The following LAMA1 variants were observed in gnomAD, a reference collection of about 807,000 sequenced individuals.
The protein encoded by LAMA1 is laminin subunit alpha-1.
In LAMA1, 219 loss-of-function variants were observed where a neutral mutation model predicts 348.7. The ratio of observed to expected loss-of-function variants is 0.63; its 90% CI spans 0.56 to 0.70. LAMA1 has a LOEUF of 0.70. LAMA1 is among the 30% of genes least tolerant of loss of function. The pLI, the probability that LAMA1 is intolerant of heterozygous loss-of-function variation, is 0.00. For missense variants in LAMA1, 3,744 were observed against 3,888.0 expected (o/e 0.96, Z 0.99); for synonymous variants, 1,487 against 1,491.0 (o/e 1.00, Z 0.06).
intron 3 of LAMA1, among the ~76,000 whole-genome samples, chr18:7,075,886 G>A (rs566033618): frequency 4.6e-5 from 7 of 151,782 alleles, no homozygotes; most frequent in East Asian, 3.9e-4. Flanking sequence ...GCAGTGAGCC[G>A]AGATCACGCC....
chr18:6,961,348 C>T (rs191730621), intron 53 of LAMA1, among the ~76,000 whole-genome samples: 2 of 152,148 alleles, frequency 1.3e-5, no homozygotes, highest in Non-Finnish European at 2.9e-5. Context: ...TAGAGGTAGA[C>T]AGCAAATAAC....
At chr18:6,989,142 A>C (rs2057748324) in intron 36 of LAMA1, among the ~76,000 whole-genome samples, 1 of 152,200 alleles carries the variant, frequency 6.6e-6, no homozygotes, top group Non-Finnish European at 1.5e-5. Context: ...TGGATACTGC[A>C]TCTCTGACAG....
chr18:6,943,063 A>T, intron 62 of LAMA1, 117 bp downstream of exon 62: 1 of 855,878 alleles, frequency 1.2e-6, no homozygotes, highest in Non-Finnish European at 1.9e-6. Context: ...AAAATGGTAA[A>T]GGATTTGTCA....
intron 56 of LAMA1, 24 bp downstream of exon 56, chr18:6,956,612 G>A (rs375345772): frequency 3.7e-6 from 6 of 1,613,692 alleles, no homozygotes; most frequent in Non-Finnish European, 5.1e-6. Flanking sequence ...GGACCTGACT[G>A]ATAGTAAAGG....
At position 7,098,356 on chromosome 18, in the gene LAMA1, A is replaced by G. The variant is rs886101501; in HGVS notation, c.62-17899T>C. Among the ~76,000 whole-genome samples, 50 of 146,660 alleles carry G rather than the reference A, an allele frequency of 3.4e-4. 1 individual carries two copies. The East Asian group carries it at 3.8e-3, about 11-fold the overall frequency. ...CCCTCTGCCTGGCTGCCCAGTCTGG[A>G]AAGTGAGGAGCGTCTCCGCCCGGCC... is the stretch of plus-strand genomic sequence containing the variant. On this transcript the variant is annotated intron_variant, in intron 1 of 62. Transcript: ENST00000389658.
chr18:6,943,020 C>T (rs2057506274), intron 62 of LAMA1, among the ~76,000 whole-genome samples, 160 bp downstream of exon 62: 1 of 151,788 alleles, frequency 6.6e-6, no homozygotes, highest in Admixed American at 6.6e-5. Flanking sequence ...TTAAGTTATC[C>T]AAGAATTCTT....
chr18:7,071,536 C>T (rs943128941), intron 3 of LAMA1, among the ~76,000 whole-genome samples: 7 of 152,090 alleles, frequency 4.6e-5, no homozygotes, highest in Admixed American at 1.3e-4. Context: ...CAAGTTATTA[C>T]CCATAACAGA....
chr18:7,030,322 A>C (rs1174629015), intron 16 of LAMA1, among the ~76,000 whole-genome samples: 1 of 152,224 alleles, frequency 6.6e-6, no homozygotes, highest in Non-Finnish European at 1.5e-5. Flanking sequence ...CAGAATGCTC[A>C]GTGCTCTTCA....
chr18:6,997,984 T>C (rs1298288895), intron 32 of LAMA1, 100 bp from the exon 33 acceptor site: 12 of 1,054,644 alleles, frequency 1.1e-5, no homozygotes, highest in Middle Eastern at 2.0e-4. Flanking sequence ...AAATGACACA[T>C]GCGGTCAGAG....
In LAMA1 at chr18:7,012,072, G is replaced by A. The variant is rs754574679; in HGVS notation, c.3430C>T (p.Pro1144Ser). ...EGTFALRADN[P>S]LGCSPCFCSG... is the part of the protein sequence containing the mutation. ...CAGAAGCACGGGCTGCAGCCCAGGG[G>A]GTTGTCTGCGCGGAGAGCGAAGGTG... The change falls in exon 24 of 63, where the codon CCC (proline) becomes TCC (serine). Residue 1144 changes from proline (P) to serine (S), a missense_variant. Around this residue, in one of 3 missense-constraint regions of LAMA1, gnomAD observed 1,529 missense variants for 1,689.4 expected, o/e 0.91. Coordinates refer to ENST00000389658, the MANE Select transcript of LAMA1 (RefSeq NM_005559.4). 5 of 1,613,202 alleles carry A rather than the reference G, an allele frequency of 3.1e-6. No individual in the cohort carries two copies. In the Admixed American group the frequency reaches 8.3e-5, roughly 27 times the overall value.
At position 6,993,745 on chromosome 18, in the gene LAMA1, C is replaced by T. The variant is rs2057768687; in HGVS notation, c.4904G>A (p.Arg1635Lys). The T allele has an allele frequency of 1.3e-6, 2 of 1,596,356 alleles. No homozygotes were observed. Among genetic ancestry groups the T allele is most frequent in the South Asian group, 1.1e-5 (1 of 90,782 alleles). ...CACCTTTTGGGTACTCGCTAACATC[C>T]TAGTGAGCTGGTGGAAAAATAAAGT... ...ETDNLQKKLTRMLASTQKVNR... is the reference protein window; with the variant it reads ...ETDNLQKKLTKMLASTQKVNR... Residue 1635 changes from arginine to lysine, a missense_variant, in exon 35 of 63, where the codon AGG (arginine) becomes AAG (lysine). Around this residue, in one of 3 missense-constraint regions of LAMA1, gnomAD observed 1,983 missense variants for 1,934.3 expected, o/e 1.03. Coordinates refer to ENST00000389658, the MANE Select transcript of LAMA1 (RefSeq NM_005559.4).
At chr18:7,000,704 C>T (rs1215026888) in intron 30 of LAMA1, among the ~76,000 whole-genome samples, 2 of 152,174 alleles carry the variant, frequency 1.3e-5, no homozygotes, top group Non-Finnish European at 2.9e-5. Flanking sequence ...GAGCTGGGTG[C>T]ATGCAAACTA....
intron 20 of LAMA1, among the ~76,000 whole-genome samples, 167 bp downstream of exon 20, chr18:7,017,111 G>GTGTGT (rs1383646905): frequency 1.3e-5 from 2 of 152,190 alleles, no homozygotes; most frequent in African/African-American, 4.8e-5. Context: ...ATGCGAAACT[G>GTGTGT]TGAGTCAATC....
intron 26 of LAMA1, among the ~76,000 whole-genome samples, chr18:7,009,965 C>A (rs548088829): frequency 6.6e-6 from 1 of 152,036 alleles, no homozygotes; most frequent in South Asian, 2.1e-4. Context: ...TGCCACCATG[C>A]CTGGCTAATT....
intron 1 of LAMA1, among the ~76,000 whole-genome samples, chr18:7,104,353 C>A (rs1282140621): frequency 6.6e-6 from 1 of 152,220 alleles, no homozygotes; most frequent in African/African-American, 2.4e-5. Flanking sequence ...ACAGAATCTA[C>A]ATTGTATGTC....
chr18:7,069,582 G>A (rs1005334088), intron 3 of LAMA1, among the ~76,000 whole-genome samples: 6 of 151,502 alleles, frequency 4.0e-5, no homozygotes, highest in Non-Finnish European at 7.3e-5. Flanking sequence ...GGCACTGTGT[G>A]ACTGGAGACC....
chr18:6,974,824 T>A, intron 46 of LAMA1, 79 bp downstream of exon 46: 11 of 1,544,890 alleles, frequency 7.1e-6, no homozygotes, highest in Non-Finnish European at 9.8e-6. Flanking sequence ...AAGCCTATTA[T>A]ATGATGTTAC....
In LAMA1 at chr18:7,033,217, A is replaced by C. The variant is rs2144163819; in HGVS notation, c.2052-122T>G. ...CGCAGTGGCTCACGCCTGTAATCCC[A>C]GCACTTTGGGAGGCCAAGGTGGGTG... On this transcript the variant is annotated intron_variant, in intron 14 of 62. Transcript: ENST00000389658. The C allele has an allele frequency of 4.1e-6, 3 of 737,352 alleles. No individual in the cohort carries two copies. In the East Asian group the frequency reaches 8.5e-5, roughly 21 times the overall value. 45.7% of individuals were successfully genotyped at this position (737,352 alleles called of 1,614,324 possible).
intron 19 of LAMA1, among the ~76,000 whole-genome samples, chr18:7,021,952 G>A (rs964698474): frequency 1.6e-4 from 24 of 150,494 alleles, no homozygotes; most frequent in African/African-American, 5.1e-4. Flanking sequence ...AAATGTTACC[G>A]CACTGACTTC....
Sources: allele counts gnomAD v4.1 joint callset (sites outside exome capture counted in the v4.1 genomes callset), GRCh38; gene constraint gnomAD v4.1.1; regional missense constraint gnomAD v4.1.1; transcripts MANE v1.5; gene names NCBI Gene and HGNC (gene_info 2026-07-23, HGNC 2026-07-21).